Variants in FARS2 observed in about 807,000 individuals in gnomAD.
FARS2 encodes the protein phenylalanyl-tRNA synthetase 2, mitochondrial, also known as phenylalanine--tRNA ligase, mitochondrial.
In FARS2, 40 loss-of-function variants were observed where a neutral mutation model predicts 46.4. The ratio of observed to expected loss-of-function variants is 0.86; its 90% confidence interval spans 0.67 to 1.12. The LOEUF (loss-of-function observed/expected upper bound fraction) is 1.12. Among genes scored for constraint, FARS2 ranks in the 50% most tolerant of loss-of-function variants. FARS2 has a pLI of 0.00. For missense variants in FARS2, 513 were observed against 567.9 expected (o/e 0.90, Z 0.98); for synonymous variants, 234 against 214.9 (o/e 1.09, Z -0.78).
At chr6:5,518,771 A>G (rs1768963320) in intron 4 of FARS2, among the ~76,000 whole-genome samples, 1 of 152,188 alleles carries the variant, frequency 6.6e-6, no homozygotes. Context: ...CATAATTTTA[A>G]ATAATTATAT....
chr6:5,518,283 G>A (rs1768932435), intron 4 of FARS2, among the ~76,000 whole-genome samples: 1 of 152,186 alleles, frequency 6.6e-6, no homozygotes, highest in African/African-American at 2.4e-5. Context: ...CCTGTTTTGG[G>A]TGACAGGTGG....
intron 4 of FARS2, among the ~76,000 whole-genome samples, chr6:5,456,331 C>T (rs988146986): frequency 1.3e-5 from 2 of 152,224 alleles, no homozygotes; most frequent in African/African-American, 4.8e-5. Context: ...TTCTTGTCCT[C>T]CTACAGCTTG....
At chr6:5,713,759 C>T (rs1759323198) in intron 6 of FARS2, among the ~76,000 whole-genome samples, 1 of 152,208 alleles carries the variant, frequency 6.6e-6, no homozygotes, top group Non-Finnish European at 1.5e-5. Flanking sequence ...TTGTTGCAGA[C>T]AGGAGGGTGG....
At chr6:5,549,363 G>T (rs1038721560) in intron 5 of FARS2, among the ~76,000 whole-genome samples, 1 of 152,130 alleles carries the variant, frequency 6.6e-6, no homozygotes, top group African/African-American at 2.4e-5. Context: ...CCTGGTGTGT[G>T]ATGTTCCCTG....
In FARS2 at chr6:5,368,836, T is replaced by A; in HGVS notation, c.266T>A (p.Ile89Asn). ...CAGCAGCATCACCCTCTGTGGCTGATCAAGGAGAGGGTGAAGGAGCACTTC... is the reference window on the plus strand; with the variant it reads ...CAGCAGCATCACCCTCTGTGGCTGAACAAGGAGAGGGTGAAGGAGCACTTC... ...HNQQHHPLWL[I>N]KERVKEHFYK... Residue 89 changes from isoleucine (I) to asparagine (N), a missense_variant, in exon 2 of 7, where the codon ATC becomes AAC. Coordinates refer to ENST00000274680, the MANE Select transcript of FARS2 (RefSeq NM_006567.5). 6.2e-7 allele frequency: 1 copy of A among 1,614,074 alleles called. No homozygotes were observed. Among genetic ancestry groups the A allele is most frequent in the South Asian group, 1.1e-5 (1 of 91,080 alleles).
chr6:5,734,804 T>C (rs1029285373), intron 6 of FARS2, among the ~76,000 whole-genome samples: 1 of 152,192 alleles, frequency 6.6e-6, no homozygotes, highest in South Asian at 2.1e-4. Context: ...GATTTGTAGA[T>C]AGATAGATAC....
intron 6 of FARS2, among the ~76,000 whole-genome samples, chr6:5,708,746 G>T (rs2150897610): frequency 6.6e-6 from 1 of 152,120 alleles, no homozygotes; most frequent in Admixed American, 6.5e-5. Flanking sequence ...CTGTAGCTGT[G>T]ACCTCCTGGG....
At chr6:5,341,457 G>A (rs547832844) in intron 1 of FARS2, among the ~76,000 whole-genome samples, 3 of 149,344 alleles carry the variant, frequency 2.0e-5, no homozygotes, top group Admixed American at 1.3e-4. Flanking sequence ...TCTTATTTCT[G>A]TTTCCCTACT....
At chr6:5,514,919 C>G (rs537257694) in intron 4 of FARS2, among the ~76,000 whole-genome samples, 100 of 151,564 alleles carry the variant, frequency 6.6e-4, no homozygotes, top group Non-Finnish European at 1.0e-3. Flanking sequence ...AGGTGCATGC[C>G]ATGCCTGGCT....
At chr6:5,622,043 C>G (rs1775803454) in intron 6 of FARS2, among the ~76,000 whole-genome samples, 1 of 152,278 alleles carries the variant, frequency 6.6e-6, no homozygotes, top group Non-Finnish European at 1.5e-5. Flanking sequence ...ACTGACTGAG[C>G]TAAACACCAT....
Position 5,311,031 on chromosome 6 carries a change from G to A in FARS2, c.-22+49371G>A, listed in dbSNP as rs1279850355. Among the ~76,000 whole-genome samples the A allele has an allele frequency of 1.3e-5, 2 of 152,154 alleles. No homozygotes were observed. The highest frequency in any genetic ancestry group is 2.9e-5 in the Non-Finnish European group (2 of 68,038). On this transcript the variant is annotated intron_variant, in intron 1 of 6. Coordinates refer to ENST00000274680, the MANE Select transcript of FARS2 (RefSeq NM_006567.5). This position sits in a 1 kb window ranked among gnomAD's most constrained non-coding sequence, Gnocchi z 4.1. ...TGCTTCCAAAGGTTTGCTAAAATAC[G>A]TGGGCAAGGATGCTTATTTCAGCAC...
intron 2 of FARS2, among the ~76,000 whole-genome samples, chr6:5,403,007 T>C (rs2127715812): frequency 1.3e-5 from 2 of 152,052 alleles, no homozygotes; most frequent in East Asian, 3.9e-4. Context: ...CCCTAGGTTT[T>C]GACTGGCATT....
chr6:5,713,568 A>G (rs1759311082), intron 6 of FARS2, among the ~76,000 whole-genome samples: 1 of 152,144 alleles, frequency 6.6e-6, no homozygotes, highest in Non-Finnish European at 1.5e-5. Context: ...ACAACCTCTT[A>G]CTCTTGTAGC....
rs1196554769 is a variant in FARS2, at chr6:5,765,386, C to T, written c.1218-5905C>T. ...ATCTCTCAGAAGGGGAGCTGACGGG[C>T]GGCAGTGGGAGAGTGGAAGAGGTGG... On this transcript the variant is annotated intron_variant, in intron 6 of 6. Coordinates refer to ENST00000274680, the MANE Select transcript of FARS2 (RefSeq NM_006567.5). This position sits in a 1 kb window ranked among gnomAD's most constrained non-coding sequence, Gnocchi z 4.0. 1.3e-5 allele frequency among the ~76,000 whole-genome samples: 2 copies of T among 152,190 alleles called. No homozygotes were observed. Among genetic ancestry groups the T allele is most frequent in the Non-Finnish European group, 2.9e-5 (2 of 68,020 alleles).
chr6:5,439,152 G>A (rs1763701402), intron 4 of FARS2, among the ~76,000 whole-genome samples: 2 of 152,176 alleles, frequency 1.3e-5, no homozygotes, highest in South Asian at 4.1e-4. Flanking sequence ...GGGTTAGTCT[G>A]CAACTTGTGT....
At chr6:5,449,480 T>C (rs1183092632) in intron 4 of FARS2, among the ~76,000 whole-genome samples, 2 of 151,406 alleles carry the variant, frequency 1.3e-5, no homozygotes, top group Non-Finnish European at 2.9e-5. Flanking sequence ...TTCAGAAAAA[T>C]AAATATTCTC....
At chr6:5,532,672 A>G (rs531510473) in intron 4 of FARS2, among the ~76,000 whole-genome samples, 2 of 152,200 alleles carry the variant, frequency 1.3e-5, no homozygotes, top group South Asian at 4.2e-4. Context: ...AATTGCTTCA[A>G]CCTGGGAGGC....
intron 1 of FARS2, among the ~76,000 whole-genome samples, chr6:5,335,014 G>A (rs967984435): frequency 2.0e-5 from 3 of 152,162 alleles, no homozygotes; most frequent in African/African-American, 7.2e-5. Context: ...TATTTTGATG[G>A]TTTCTATGAT....
At chr6:5,344,486 A>G (rs1191162818) in intron 1 of FARS2, among the ~76,000 whole-genome samples, 2 of 152,168 alleles carry the variant, frequency 1.3e-5, no homozygotes, top group African/African-American at 4.8e-5. Flanking sequence ...GGCCAAGTGC[A>G]GGCAACTGAG....
Sources: allele counts gnomAD v4.1 joint callset (sites outside exome capture counted in the v4.1 genomes callset), GRCh38; gene constraint gnomAD v4.1.1; non-coding constraint Gnocchi (gnomAD v3.1); transcripts MANE v1.5; gene names NCBI Gene and HGNC (gene_info 2026-07-23, HGNC 2026-07-21).